DOCK3: variants seen among roughly 807,000 people sequenced by gnomAD.
DOCK3 encodes the protein dedicator of cytokinesis protein 3.
DOCK3 carries 60 observed loss-of-function variants against 265.6 expected under a neutral mutation model. That is an observed-to-expected ratio of 0.23 (90% CI 0.18 to 0.28). The LOEUF is 0.28. Among genes scored for constraint, DOCK3 ranks in the 10% least tolerant of loss-of-function variants. The pLI is 1.00. For missense variants in DOCK3, 1,981 were observed against 2,594.3 expected (o/e 0.76, Z 5.14); for synonymous variants, 881 against 938.0 (o/e 0.94, Z 1.11).
At chr3:51,162,590 T>C (rs2086191775) in intron 12 of DOCK3, among the ~76,000 whole-genome samples, 1 of 152,220 alleles carries the variant, frequency 6.6e-6, no homozygotes. Context: ...CTCCACTGTA[T>C]TCCTTCCAAG....
chr3:50,919,568 G>T (rs997446547), intron 4 of DOCK3, among the ~76,000 whole-genome samples: 1 of 151,984 alleles, frequency 6.6e-6, no homozygotes, highest in Non-Finnish European at 1.5e-5. Context: ...TACTGGTGTA[G>T]AGGAATGCTT....
intron 5 of DOCK3, among the ~76,000 whole-genome samples, chr3:51,040,621 T>G (rs980220491): frequency 1.3e-5 from 2 of 152,156 alleles, no homozygotes; most frequent in Non-Finnish European, 1.5e-5. Flanking sequence ...TCATGAAAGA[T>G]TTCTCTGTAG....
intron 5 of DOCK3, among the ~76,000 whole-genome samples, chr3:50,979,580 G>C (rs887374108): frequency 6.6e-6 from 1 of 152,052 alleles, no homozygotes; most frequent in Non-Finnish European, 1.5e-5. Context: ...TGCCATGATT[G>C]GAAGCTCCCT....
intron 5 of DOCK3, among the ~76,000 whole-genome samples, chr3:51,016,968 A>C (rs1449413734): frequency 9.2e-5 from 2 of 21,660 alleles, no homozygotes; most frequent in Non-Finnish European, 1.4e-4. Context: ...TATTATATAT[A>C]TATAAATAAA....
At chr3:51,149,824 G>T (rs1045321295) in intron 10 of DOCK3, among the ~76,000 whole-genome samples, 1 of 152,162 alleles carries the variant, frequency 6.6e-6, no homozygotes, top group African/African-American at 2.4e-5. Flanking sequence ...GTCTCTGCCA[G>T]GCTTTGGTAT....
intron 13 of DOCK3, among the ~76,000 whole-genome samples, chr3:51,210,719 T>C (rs1378177042): frequency 6.6e-6 from 1 of 152,246 alleles, no homozygotes; most frequent in Non-Finnish European, 1.5e-5. Flanking sequence ...GATACATCTT[T>C]ATTAAAAATT....
intron 2 of DOCK3, among the ~76,000 whole-genome samples, chr3:50,803,027 CT>C (rs148585810): frequency 1.4e-5 from 2 of 147,126 alleles, no homozygotes; most frequent in Non-Finnish European, 3.0e-5. Flanking sequence ...TACAGAAATT[CT>C]TTTTTTTTTA....
At chr3:50,778,785 A>C (rs944209035) in intron 2 of DOCK3, 27 bp downstream of exon 2, 1 of 1,492,936 alleles carries the variant, frequency 6.7e-7, no homozygotes, top group Middle Eastern at 1.7e-4. Context: ...AAAGCACATA[A>C]ATTGTGATCA....
rs1194905779 is a variant in DOCK3 at position 51,146,627 on chromosome 3, T to C, written c.825T>C (p.Phe275=). 6.3e-7 allele frequency: 1 copy of C among 1,580,300 alleles called. No individual in the cohort carries two copies. Among genetic ancestry groups the C allele is most frequent in the Non-Finnish European group, 8.6e-7 (1 of 1,161,902 alleles). ...PEKIERMCAL[F]TDLSSKDMKR... is the part of the protein sequence containing the mutation. ...AGATAGAACGAATGTGTGCCCTTTT[T>C]ACAGTATGTACGAATTCTCTTTTTC... is the stretch of plus-strand genomic sequence containing the variant. Residue 275 remains phenylalanine (F), a synonymous_variant, in exon 10 of 53, where the codon TTT becomes TTC. Coordinates refer to ENST00000266037, the MANE Select transcript of DOCK3 (RefSeq NM_004947.5).
chr3:50,861,943 TG>T (rs2046936539), intron 3 of DOCK3, among the ~76,000 whole-genome samples: 1 of 151,938 alleles, frequency 6.6e-6, no homozygotes, highest in South Asian at 2.1e-4. Flanking sequence ...GATACTGCTA[TG>T]TAAGGTTTTG....
At chr3:50,709,283 GT>G (rs894948888) in intron 1 of DOCK3, among the ~76,000 whole-genome samples, 8 of 151,358 alleles carry the variant, frequency 5.3e-5, no homozygotes, top group African/African-American at 1.7e-4. Context: ...AATTCTAATA[GT>G]TTTTTTTTAG....
intron 1 of DOCK3, among the ~76,000 whole-genome samples, chr3:50,741,308 T>C (rs1268177692): frequency 6.6e-6 from 1 of 151,580 alleles, no homozygotes; most frequent in African/African-American, 2.4e-5. Context: ...AGTTTTAGGG[T>C]ACATGTGCAC....
rs1373763891 is a variant in DOCK3, at chr3:50,683,840, C to T, written c.37+8540C>T. On this transcript the variant is annotated intron_variant, in intron 1 of 52. Transcript: ENST00000266037. ...CCCCTCCCCTCCCCGCTCTCCTCCC[C>T]CCCCCCCACCCACTCCCTCTCCCCT... Among the ~76,000 whole-genome samples, 2 of 112,688 alleles carry T rather than the reference C, an allele frequency of 1.8e-5. 1 individual carries two copies. Among genetic ancestry groups the T allele is most frequent in the Non-Finnish European group, 3.7e-5 (2 of 54,746 alleles). 73.9% of individuals were successfully genotyped at this position (112,688 alleles called of 152,430 possible).
chr3:51,148,823 T>A (rs1046001526), intron 10 of DOCK3, among the ~76,000 whole-genome samples: 1 of 152,130 alleles, frequency 6.6e-6, no homozygotes, highest in South Asian at 2.1e-4. Flanking sequence ...CTTGGCAATG[T>A]GGGCTCTTTT....
chr3:51,194,694 T>C (rs1420459870), intron 12 of DOCK3, among the ~76,000 whole-genome samples: 4 of 152,166 alleles, frequency 2.6e-5, no homozygotes, highest in African/African-American at 9.7e-5. Context: ...TGACTTAAAG[T>C]CTGTTTTCTC....
At chr3:50,830,180 T>A (rs1478339275) in intron 2 of DOCK3, among the ~76,000 whole-genome samples, 1 of 152,224 alleles carries the variant, frequency 6.6e-6, no homozygotes. Context: ...GTGAACTCCA[T>A]ATATTTTTAT....
At chr3:51,270,577 C>A (rs1483928158) in intron 23 of DOCK3, among the ~76,000 whole-genome samples, 1 of 152,228 alleles carries the variant, frequency 6.6e-6, no homozygotes. Context: ...ATGCTATATG[C>A]AAGTTATGAA....
chr3:51,033,047 A>G (rs1212949623), intron 5 of DOCK3, among the ~76,000 whole-genome samples: 3 of 152,230 alleles, frequency 2.0e-5, no homozygotes, highest in Non-Finnish European at 4.4e-5. Flanking sequence ...AGTCCTTTCT[A>G]TTATTAACTG....
chr3:50,762,531 T>A (rs564788292), intron 1 of DOCK3, among the ~76,000 whole-genome samples: 1 of 152,276 alleles, frequency 6.6e-6, no homozygotes, highest in South Asian at 2.1e-4. Context: ...TGAATTCTAC[T>A]TCTGGTAAGG....
Sources: allele counts gnomAD v4.1 joint callset (sites outside exome capture counted in the v4.1 genomes callset), GRCh38; gene constraint gnomAD v4.1.1; transcripts MANE v1.5; gene names NCBI Gene and HGNC (gene_info 2026-07-23, HGNC 2026-07-21).